Variants in PRR14L observed in about 807,000 individuals in gnomAD.
The protein encoded by PRR14L is proline rich 14 like, also known as protein PRR14L.
PRR14L carries 80 observed loss-of-function variants against 155.0 expected under a neutral mutation model. That is an observed-to-expected ratio of 0.52 (90% CI 0.43 to 0.62). The LOEUF (loss-of-function observed/expected upper bound fraction) is 0.62. Ranked by LOEUF, PRR14L falls within the 20% of genes least tolerant of loss-of-function variation. The pLI is 0.00. For synonymous variants in PRR14L, 883 were observed against 916.0 expected, an observed-to-expected ratio of 0.96 and a Z score of 0.65; for missense variants, 2,469 against 2,548.0, an observed-to-expected ratio of 0.97 and a Z score of 0.67.
rs2074630315 is a variant in PRR14L, at chr22:31,712,673, A to G, written c.5166T>C (p.His1722=). 3.9e-6 allele frequency: 6 copies of G among 1,551,788 alleles called. No homozygotes were observed. Among genetic ancestry groups the G allele is most frequent in the East Asian group, 2.4e-5 (1 of 40,920 alleles). ...FGSEIFPVSF[H]VKSSSSDCTT... is the part of the protein sequence containing the mutation. ...TGCAATCTGAGCTGGATGATTTCAC[A>G]TGAAAGGATACTGGGAAGATTTCAG... is the stretch of plus-strand genomic sequence containing the variant. Residue 1722 remains histidine (H), a synonymous_variant, in exon 4 of 9, where the codon CAT becomes CAC. Coordinates refer to ENST00000327423, the MANE Select transcript of PRR14L (RefSeq NM_173566.3).
At chr22:31,741,353 T>G (rs1385388022) in intron 1 of PRR14L, among the ~76,000 whole-genome samples, 1 of 150,130 alleles carries the variant, frequency 6.7e-6, no homozygotes, top group East Asian at 2.0e-4. Context: ...TCCCAGCTAC[T>G]CGGGAGGCTG....
At chr22:31,736,218 C>CAAAA (rs1212304644) in intron 2 of PRR14L, among the ~76,000 whole-genome samples, 3 of 84,898 alleles carry the variant, frequency 3.5e-5, no homozygotes, top group African/African-American at 1.4e-4. Flanking sequence ...GACTCCATCT[C>CAAAA]AAAAAAAAAA....
intron 7 of PRR14L, among the ~76,000 whole-genome samples, chr22:31,693,175 C>T (rs571180731): frequency 6.6e-6 from 1 of 152,220 alleles, no homozygotes; most frequent in South Asian, 2.1e-4. Context: ...ACACATAATG[C>T]CATGTATCCC....
chr22:31,730,138 TAAAA>T (rs534900377), intron 2 of PRR14L, among the ~76,000 whole-genome samples: 3 of 113,456 alleles, frequency 2.6e-5, no homozygotes, highest in African/African-American at 3.4e-5. Context: ...AGACTCAGTC[TAAAA>T]AAAAAAAAAA....
In PRR14L at chr22:31,713,564, TAAC is replaced by T. The variant is rs1317505500; in HGVS notation, c.4272_4274del (p.Leu1425del). On this transcript the variant is annotated inframe_deletion, in exon 4 of 9. Transcript: ENST00000327423. ...GTTGGTTCTGATTTTGTGCATCATC[TAAC>T]AACAGACTAGATGATATGCACTGTT... 3.9e-6 allele frequency: 6 copies of T among 1,552,034 alleles called. No homozygotes were observed. The East Asian group carries it at 9.8e-5, about 25-fold the overall frequency.
At chr22:31,694,362 G>A (rs769878867) in intron 7 of PRR14L, among the ~76,000 whole-genome samples, 1 of 151,942 alleles carries the variant, frequency 6.6e-6, no homozygotes, top group African/African-American at 2.4e-5. Context: ...GAGCTACCAC[G>A]CCCGGCCAGC....
At chr22:31,734,213 C>G (rs1206877415) in intron 2 of PRR14L, among the ~76,000 whole-genome samples, 1 of 152,162 alleles carries the variant, frequency 6.6e-6, no homozygotes, top group Admixed American at 6.5e-5. Flanking sequence ...CCTCATCATC[C>G]TCCCGCCTCA....
chr22:31,690,376 G>A (rs1335386980), intron 7 of PRR14L, among the ~76,000 whole-genome samples: 2 of 151,920 alleles, frequency 1.3e-5, no homozygotes, highest in South Asian at 2.1e-4. Flanking sequence ...GTACAGGTGG[G>A]GTTTCACCAT....
intron 7 of PRR14L, among the ~76,000 whole-genome samples, chr22:31,693,338 T>C (rs2074520327): frequency 1.3e-5 from 2 of 152,232 alleles, no homozygotes; most frequent in African/African-American, 2.4e-5. Flanking sequence ...ATACAGTACG[T>C]AGTTTATTCA....
chr22:31,704,088 C>T (rs545555728), intron 5 of PRR14L, among the ~76,000 whole-genome samples: 71 of 152,150 alleles, frequency 4.7e-4, no homozygotes, highest in Non-Finnish European at 8.8e-4. Context: ...TGAGCCACCA[C>T]GCCCAGCCTC....
At chr22:31,722,592 CG>C (rs1363397064) in intron 3 of PRR14L, among the ~76,000 whole-genome samples, 3 of 150,760 alleles carry the variant, frequency 2.0e-5, no homozygotes, top group Non-Finnish European at 4.4e-5. Flanking sequence ...GAGCGATCCC[CG>C]CTCACTGCAA....
chr22:31,712,271 A>T lies in PRR14L; in HGVS notation c.5568T>A (p.Phe1856Leu). Reference sequence around the variant, plus strand: ...ACCGTAACCCTTTCAGGCCCTGTGTAAACTGGGTCATGAAGAGCCTCTGCA... The same window carrying T: ...ACCGTAACCCTTTCAGGCCCTGTGTTAACTGGGTCATGAAGAGCCTCTGCA... ...PTMQRLFMTQ[F>L]TQGLKGLRSP... is the part of the protein sequence containing the mutation. Residue 1856 changes from phenylalanine (F) to leucine (L), a missense_variant, in exon 4 of 9, where the codon TTT becomes TTA. Physicochemically the swap from Phe to Leu is conservative, Grantham distance 22. Coordinates refer to ENST00000327423, the MANE Select transcript of PRR14L (RefSeq NM_173566.3). 3.1e-6 allele frequency: 5 copies of T among 1,614,152 alleles called. No homozygotes were observed. The highest frequency in any genetic ancestry group is 3.4e-6 in the Non-Finnish European group (4 of 1,180,022).
At chr22:31,704,446 C>A in intron 5 of PRR14L, 25 of 356,268 alleles carry the variant, frequency 7.0e-5, no homozygotes, top group South Asian at 3.1e-4. Flanking sequence ...TTTTTTTTAA[C>A]AAATTGTATT....
chr22:31,688,927 A>ACACACACAC (rs1569497073), intron 7 of PRR14L, among the ~76,000 whole-genome samples: 4 of 130,516 alleles, frequency 3.1e-5, no homozygotes, highest in Admixed American at 2.3e-4. Context: ...CACACACACA[A>ACACACACAC]AAACCCTTCA....
At chr22:31,736,206 G>A (rs568618065) in intron 2 of PRR14L, among the ~76,000 whole-genome samples, 189 of 133,900 alleles carry the variant, frequency 1.4e-3, no homozygotes, top group Non-Finnish European at 2.5e-3. Context: ...GCAATAGAAC[G>A]AGACTCCATC....
intron 2 of PRR14L, 141 bp downstream of exon 2, chr22:31,738,246 T>C: frequency 1.3e-6 from 1 of 747,244 alleles, no homozygotes; most frequent in African/African-American, 1.8e-5. Context: ...TAAAAGATCA[T>C]CAAAACAAAG....
In PRR14L at chr22:31,701,744, G is replaced by A. The variant is rs201066046; in HGVS notation, c.6019C>T (p.Pro2007Ser). The A allele has an allele frequency of 1.9e-6, 3 of 1,613,504 alleles. No homozygotes were observed. The highest frequency in any genetic ancestry group is 2.5e-6 in the Non-Finnish European group (3 of 1,179,604). The change falls in exon 7 of 9, where the codon CCA (proline) becomes TCA (serine). Residue 2007 changes from proline to serine, a missense_variant. Physicochemically the swap from Pro to Ser is moderately conservative, Grantham distance 74 (BLOSUM62 -1). Transcript: ENST00000327423. ...ATGCGAATCTGTGAGACTTTCTTTG[G>A]CCTCTTCTCTGGCTCAGCCTATTTT... ...EQKEAEPEKRPKKVSQIRIRK... is the reference protein window; with the variant it reads ...EQKEAEPEKRSKKVSQIRIRK...
chr22:31,704,828 G>A (rs1474362030), intron 4 of PRR14L, 102 bp from the exon 5 acceptor site: 16 of 750,398 alleles, frequency 2.1e-5, no homozygotes, highest in Non-Finnish European at 3.4e-5. Context: ...GCCCCAAGAA[G>A]ACAAGAAATG....
chr22:31,730,199 G>A (rs1176641544), intron 2 of PRR14L, among the ~76,000 whole-genome samples: 1 of 151,748 alleles, frequency 6.6e-6, no homozygotes, highest in Non-Finnish European at 1.5e-5. Context: ...CAGCACTTTG[G>A]GAGGCCAAGG....
Sources: gnomAD v4.1 joint callset for allele counts (sites outside exome capture counted in the v4.1 genomes callset) on GRCh38, gnomAD v4.1.1 for gene constraint, MANE v1.5 for transcripts, NCBI Gene and HGNC (gene_info 2026-07-23, HGNC 2026-07-21) for gene names.